The following CSMD1 variants were observed in gnomAD, a reference collection of about 807,000 sequenced individuals.
CSMD1 encodes CUB and Sushi multiple domains 1.
Under a neutral mutation model 417.5 loss-of-function variants are expected in CSMD1, and 213 were observed. The observed-to-expected ratio is 0.51, with a 90% CI of 0.46 to 0.57. The LOEUF is 0.57. CSMD1 is among the 20% of genes least tolerant of loss of function. The pLI is 0.00. For synonymous variants in CSMD1, 2,862 were observed against 1,736.8 expected, an observed-to-expected ratio of 1.65 and a Z score of -16.11; for missense variants, 6,923 against 4,529.7, an observed-to-expected ratio of 1.53 and a Z score of -15.17.
chr8:4,087,815 T>A (rs1441052864), intron 3 of CSMD1, among the ~76,000 whole-genome samples: 1 of 152,150 alleles, frequency 6.6e-6, no homozygotes, highest in Non-Finnish European at 1.5e-5. Flanking sequence ...TTTAGCATTA[T>A]TTTCCCTTTG....
At position 3,530,698 on chromosome 8, in the gene CSMD1, T is replaced by C. The variant is rs148007359; in HGVS notation, c.1345-36972A>G. Among the ~76,000 whole-genome samples the C allele has an allele frequency of 9.3e-4, 141 of 151,956 alleles. 1 individual carries two copies. The highest frequency in any genetic ancestry group is 1.7e-3 in the Non-Finnish European group (114 of 67,964). Reference sequence around the variant, plus strand: ...GGCACCCGCCACCACAGCCAGCTAATTTTTGTATTTTTAGTAGAGACAGTT... The same window carrying C: ...GGCACCCGCCACCACAGCCAGCTAACTTTTGTATTTTTAGTAGAGACAGTT... On this transcript the variant is annotated intron_variant, in intron 10 of 69. Coordinates refer to ENST00000635120, the MANE Select transcript of CSMD1 (RefSeq NM_033225.6).
chr8:3,284,567 A>G (rs1393281980), intron 25 of CSMD1: 3 of 546,090 alleles, frequency 5.5e-6, no homozygotes, highest in Non-Finnish European at 9.9e-6. Context: ...TCTGTCATGG[A>G]CGCAGAGAGA....
At chr8:3,240,861 G>A (rs1199708146) in intron 26 of CSMD1, among the ~76,000 whole-genome samples, 2 of 152,060 alleles carry the variant, frequency 1.3e-5, no homozygotes, top group African/African-American at 4.8e-5. Context: ...GTAAAACGGG[G>A]GAATTGTAAG....
chr8:4,498,246 G>C (rs1173283640), intron 2 of CSMD1, among the ~76,000 whole-genome samples: 1 of 152,112 alleles, frequency 6.6e-6, no homozygotes, highest in Non-Finnish European at 1.5e-5. Flanking sequence ...CTCTTGCTTA[G>C]CTTCCATCAA....
intron 5 of CSMD1, among the ~76,000 whole-genome samples, chr8:3,987,634 G>A (rs906243719): frequency 2.6e-5 from 4 of 152,146 alleles, no homozygotes; most frequent in African/African-American, 9.7e-5. Flanking sequence ...AGGATGAGTA[G>A]GGCTTTGCTG....
chr8:3,914,243 A>G (rs1584955646), intron 5 of CSMD1, among the ~76,000 whole-genome samples: 2 of 152,150 alleles, frequency 1.3e-5, no homozygotes, highest in African/African-American at 2.4e-5. Context: ...AATAGAGTAG[A>G]TAAGAGCTAG....
intron 1 of CSMD1, among the ~76,000 whole-genome samples, chr8:4,845,999 C>T (rs60793572): frequency 0.082 from 12,546 of 152,196 alleles, 751 homozygotes; most frequent in African/African-American, 0.17. Context: ...GAACATTATA[C>T]TGGCCATCCA....
intron 26 of CSMD1, among the ~76,000 whole-genome samples, chr8:3,249,658 T>C (rs539538099): frequency 2.2e-4 from 33 of 152,338 alleles, no homozygotes; most frequent in African/African-American, 7.7e-4. Flanking sequence ...AAAACATTGA[T>C]GTATTAACTT....
chr8:3,582,352 G>C (rs753695591), intron 9 of CSMD1, among the ~76,000 whole-genome samples: 1 of 152,080 alleles, frequency 6.6e-6, no homozygotes, highest in South Asian at 2.1e-4. Flanking sequence ...AGCAAATTGA[G>C]ACGCTACTTA....
At chr8:4,260,429 G>A (rs915525848) in intron 3 of CSMD1, among the ~76,000 whole-genome samples, 5 of 152,030 alleles carry the variant, frequency 3.3e-5, no homozygotes, top group African/African-American at 1.2e-4. Flanking sequence ...TAATATACTA[G>A]TATGTACTTT....
At chr8:3,929,853 G>A (rs1330705096) in intron 5 of CSMD1, among the ~76,000 whole-genome samples, 4 of 149,560 alleles carry the variant, frequency 2.7e-5, no homozygotes, top group South Asian at 2.2e-4. Flanking sequence ...GTAGAGACGC[G>A]GTTTCACCAT....
chr8:4,237,425 A>T (rs1159372346), intron 3 of CSMD1, among the ~76,000 whole-genome samples: 1 of 152,188 alleles, frequency 6.6e-6, no homozygotes, highest in Non-Finnish European at 1.5e-5. Context: ...TTTTTTGTGA[A>T]TATTTAATAT....
At chr8:3,888,704 T>A (rs1806735500) in intron 5 of CSMD1, among the ~76,000 whole-genome samples, 1 of 152,154 alleles carries the variant, frequency 6.6e-6, no homozygotes, top group African/African-American at 2.4e-5. Context: ...ACAGAGATGG[T>A]GCTGCTGGCT....
intron 2 of CSMD1, among the ~76,000 whole-genome samples, chr8:4,426,225 G>C (rs1154050): frequency 6.6e-6 from 1 of 151,690 alleles, no homozygotes; most frequent in Non-Finnish European, 1.5e-5. Flanking sequence ...TATAGTTACC[G>C]GACAAGTTTT....
intron 1 of CSMD1, among the ~76,000 whole-genome samples, chr8:4,985,707 A>T (rs1811143246): frequency 6.6e-6 from 1 of 152,228 alleles, no homozygotes; most frequent in South Asian, 2.1e-4. Flanking sequence ...TTTTTTAAGT[A>T]TGGGGCATTA....
intron 3 of CSMD1, among the ~76,000 whole-genome samples, chr8:4,283,071 T>G (rs1256949186): frequency 1.3e-5 from 2 of 152,182 alleles, no homozygotes; most frequent in Admixed American, 6.6e-5. Context: ...CAGACTGTTT[T>G]TAAGGTCAAC....
intron 3 of CSMD1, among the ~76,000 whole-genome samples, chr8:4,095,737 T>A (rs1195996642): frequency 6.6e-6 from 1 of 152,224 alleles, no homozygotes; most frequent in African/African-American, 2.4e-5. Flanking sequence ...TCAAGTCACG[T>A]AGTTTTATTT....
At chr8:3,524,487 A>G (rs1797669974) in intron 10 of CSMD1, among the ~76,000 whole-genome samples, 1 of 151,978 alleles carries the variant, frequency 6.6e-6, no homozygotes. Context: ...ACATGTGCAC[A>G]CACAAGTACA....
intron 3 of CSMD1, among the ~76,000 whole-genome samples, chr8:4,172,704 A>G (rs1797834290): frequency 6.6e-6 from 1 of 152,162 alleles, no homozygotes; most frequent in Non-Finnish European, 1.5e-5. Flanking sequence ...GAATATTGCA[A>G]AAGTGACAGG....
Sources: gnomAD v4.1 joint callset for allele counts (sites outside exome capture counted in the v4.1 genomes callset) on GRCh38, gnomAD v4.1.1 for gene constraint, MANE v1.5 for transcripts, NCBI Gene and HGNC (gene_info 2026-07-23, HGNC 2026-07-21) for gene names.